PLEKHG7: variants seen among roughly 807,000 people sequenced by gnomAD.
PLEKHG7 encodes pleckstrin homology domain-containing family G member 7.
In PLEKHG7, 77 loss-of-function variants were observed where a neutral mutation model predicts 85.2. The observed-to-expected ratio is 0.90, with a 90% CI of 0.75 to 1.09. The LOEUF is 1.09. Among genes scored for constraint, PLEKHG7 ranks in the 50% least tolerant of loss-of-function variants. PLEKHG7 has a pLI of 0.00. For missense variants in PLEKHG7, 777 were observed against 804.3 expected, an observed-to-expected ratio of 0.97 and a Z score of 0.41; for synonymous variants, 301 against 302.4, an observed-to-expected ratio of 1.00 and a Z score of 0.05.
At chr12:92,766,508 C>A (rs1873200382) in intron 15 of PLEKHG7, among the ~76,000 whole-genome samples, 2 of 152,008 alleles carry the variant, frequency 1.3e-5, no homozygotes, top group Admixed American at 1.3e-4. Context: ...GTTTTTTCTC[C>A]TCTATTTCTT....
chr12:92,727,682 A>G (rs1871854242), intron 3 of PLEKHG7, among the ~76,000 whole-genome samples: 1 of 151,842 alleles, frequency 6.6e-6, no homozygotes. Flanking sequence ...CTCCACCTCC[A>G]GGTTCAAGCG....
At chr12:92,765,501 C>T (rs1474481783) in intron 15 of PLEKHG7, among the ~76,000 whole-genome samples, 4 of 151,838 alleles carry the variant, frequency 2.6e-5, no homozygotes, top group Non-Finnish European at 2.9e-5. Context: ...TGGTGGCGCA[C>T]ACCTGTGACC....
chr12:92,761,637 A>T, intron 13 of PLEKHG7, 115 bp from the exon 14 acceptor site: 1 of 506,184 alleles, frequency 2.0e-6, no homozygotes, highest in Middle Eastern at 4.5e-4. Flanking sequence ...AAAGAAAGAA[A>T]GAAAGAAAGA....
intron 13 of PLEKHG7, among the ~76,000 whole-genome samples, 185 bp from the exon 14 acceptor site, chr12:92,761,559 AGAAGGAAG>A (rs368776398): frequency 1.0e-4 from 15 of 144,512 alleles, no homozygotes; most frequent in African/African-American, 2.6e-4. Flanking sequence ...AAAGAAAGAA[AGAAGGAAG>A]GAAGGAAGGA....
chr12:92,765,342 A>T (rs1873162675), intron 15 of PLEKHG7, among the ~76,000 whole-genome samples: 1 of 151,270 alleles, frequency 6.6e-6, no homozygotes, highest in Non-Finnish European at 1.5e-5. Flanking sequence ...AAAAAAAAAA[A>T]AAATAGGCTG....
At chr12:92,749,291 A>G (rs1872622250) in intron 10 of PLEKHG7, among the ~76,000 whole-genome samples, 2 of 151,356 alleles carry the variant, frequency 1.3e-5, no homozygotes. Context: ...TAATTTATTT[A>G]TGTATTTATT....
chr12:92,745,497 G>A lies in PLEKHG7; in HGVS notation c.1157G>A (p.Cys386Tyr), dbSNP rs772750947. Residue 386 changes from cysteine to tyrosine, a missense_variant, in exon 10 of 17, where the codon TGT becomes TAT. Physicochemically the swap from Cys to Tyr is radical, Grantham distance 194. Coordinates refer to ENST00000344636, the MANE Select transcript of PLEKHG7 (RefSeq NM_001377329.1). The stretch of plus-strand genomic sequence containing the variant: ...TTGCAGTATTTCCGAGGGAGTCTCT[G>A]TCAGAGCCACCAGACCTACTGCCTG... Reference protein sequence around the residue: ...VLTKYFRGSLCQSHQTYCLNY... With the variant: ...VLTKYFRGSLYQSHQTYCLNY... 1.2e-6 allele frequency: 2 copies of A among 1,613,516 alleles called. No individual in the cohort carries two copies. Among genetic ancestry groups the A allele is most frequent in the South Asian group, 2.2e-5 (2 of 91,040 alleles).
rs11106677 is a variant in PLEKHG7, at chr12:92,703,759, T to C, written c.-162+627T>C. Among the ~76,000 whole-genome samples, 268 of 152,380 alleles carry C rather than the reference T, an allele frequency of 1.8e-3. 2 individuals carry two copies. The highest frequency in any genetic ancestry group is 6.3e-3 in the African/African-American group (263 of 41,596). ...CAGTGCATCATGTCGGCAGTTACTA[T>C]TGCCTTGGTTCCAATATTTAAGACA... On this transcript the variant is annotated intron_variant, in intron 1 of 16. Transcript: ENST00000344636.
chr12:92,718,359 G>T (rs897266216), intron 3 of PLEKHG7, among the ~76,000 whole-genome samples: 5 of 152,180 alleles, frequency 3.3e-5, no homozygotes, highest in Non-Finnish European at 7.3e-5. Context: ...TACGGGTTTT[G>T]CCATTACTTT....
chr12:92,764,902 G>A (rs1873145254), intron 15 of PLEKHG7, among the ~76,000 whole-genome samples: 1 of 152,104 alleles, frequency 6.6e-6, no homozygotes, highest in Non-Finnish European at 1.5e-5. Context: ...CAAGGCTTGA[G>A]TGGGCGGCAG....
intron 5 of PLEKHG7, among the ~76,000 whole-genome samples, chr12:92,735,848 TTTTG>T (rs1297094003): frequency 2.7e-5 from 4 of 148,862 alleles, no homozygotes; most frequent in African/African-American, 5.2e-5. Context: ...TCATGCTTTT[TTTTG>T]TTTGTTTTTT....
At chr12:92,756,004 T>C in intron 12 of PLEKHG7, 64 bp downstream of exon 12, 2 of 1,105,000 alleles carry the variant, frequency 1.8e-6, no homozygotes, top group Admixed American at 4.1e-5. Flanking sequence ...CAGATAGAAA[T>C]ACAATCATCT....
At chr12:92,747,960 T>C (rs1399969580) in intron 10 of PLEKHG7, among the ~76,000 whole-genome samples, 1 of 152,158 alleles carries the variant, frequency 6.6e-6, no homozygotes, top group Non-Finnish European at 1.5e-5. Context: ...AAGGAGTAAG[T>C]TCTAGTGCAT....
At chr12:92,736,149 T>C (rs1178320398) in intron 5 of PLEKHG7, among the ~76,000 whole-genome samples, 1 of 152,144 alleles carries the variant, frequency 6.6e-6, no homozygotes, top group Non-Finnish European at 1.5e-5. Flanking sequence ...AAGTTAAGAC[T>C]GTGAAGGCTA....
At chr12:92,768,830 T>A (rs572956362) in intron 15 of PLEKHG7, among the ~76,000 whole-genome samples, 153 bp from the exon 16 acceptor site, 1 of 151,874 alleles carries the variant, frequency 6.6e-6, no homozygotes, top group Admixed American at 6.6e-5. Context: ...GAAATAAAAT[T>A]TAAAAAAAAA....
chr12:92,755,788 G>A, intron 11 of PLEKHG7, 37 bp from the exon 12 acceptor site: 1 of 1,350,810 alleles, frequency 7.4e-7, no homozygotes, highest in Non-Finnish European at 1.1e-6. Context: ...AATGTCATAT[G>A]CACCTAAAAA....
intron 15 of PLEKHG7, among the ~76,000 whole-genome samples, chr12:92,764,788 G>A (rs571201387): frequency 6.6e-6 from 1 of 152,212 alleles, no homozygotes; most frequent in African/African-American, 2.4e-5. Flanking sequence ...AGGCCCTACA[G>A]ATACAAAGAT....
At chr12:92,751,322 C>T (rs1367963373) in intron 10 of PLEKHG7, among the ~76,000 whole-genome samples, 1 of 152,170 alleles carries the variant, frequency 6.6e-6, no homozygotes, top group Non-Finnish European at 1.5e-5. Flanking sequence ...ATTCACCATG[C>T]ACTGTGAGCT....
intron 5 of PLEKHG7, among the ~76,000 whole-genome samples, chr12:92,735,556 C>T (rs998977098): frequency 2.0e-5 from 3 of 152,226 alleles, no homozygotes; most frequent in African/African-American, 7.2e-5. Flanking sequence ...TTGTGATAAA[C>T]ATTCATTTGA....
Sources: allele counts gnomAD v4.1 joint callset (sites outside exome capture counted in the v4.1 genomes callset), GRCh38; gene constraint gnomAD v4.1.1; transcripts MANE v1.5; gene names NCBI Gene and HGNC (gene_info 2026-07-23, HGNC 2026-07-21).